ATL1: variants seen among roughly 807,000 people sequenced by gnomAD.
ATL1 encodes atlastin GTPase 1.
Under a neutral mutation model 75.5 loss-of-function variants are expected in ATL1, and 31 were observed. The observed-to-expected ratio is 0.41, with a 90% confidence interval of 0.31 to 0.55. The LOEUF is 0.55. ATL1 is among the 20% of genes least tolerant of loss of function. The pLI is 0.27. For synonymous variants in ATL1, 226 were observed against 233.3 expected (o/e 0.97, Z 0.28); for missense variants, 405 against 662.6 (o/e 0.61, Z 4.27).
intron 8 of ATL1, among the ~76,000 whole-genome samples, chr14:50,618,894 T>TA (rs2039439979): frequency 1.5e-5 from 2 of 129,250 alleles, no homozygotes; most frequent in Non-Finnish European, 3.5e-5. Flanking sequence ...TATATATATT[T>TA]TTTTTTCTTT....
intron 8 of ATL1, among the ~76,000 whole-genome samples, chr14:50,616,395 C>A (rs183900794): frequency 4.6e-5 from 7 of 152,112 alleles, no homozygotes; most frequent in African/African-American, 1.7e-4. Context: ...CTATTGAGCT[C>A]ACACAATCCT....
chr14:50,593,350 A>G (rs972555852), intron 4 of ATL1, among the ~76,000 whole-genome samples: 6 of 152,152 alleles, frequency 3.9e-5, no homozygotes, highest in African/African-American at 7.2e-5. Context: ...ATTTCCCTCA[A>G]AAAATGTCAT....
At chr14:50,601,103 A>G (rs562437837) in intron 6 of ATL1, among the ~76,000 whole-genome samples, 1 of 152,242 alleles carries the variant, frequency 6.6e-6, no homozygotes, top group South Asian at 2.1e-4. Context: ...GTGAGACCGT[A>G]TCTCAAAAAA....
In ATL1 at chr14:50,621,914, G is replaced by T. The variant is rs2039470683; in HGVS notation, c.1047+15G>T. Reference sequence around the variant, plus strand: ...CCATGTTACAGGTATTTATTAATGAGGAGGCATGTTTTAAGACACGTGACT... The same window carrying T: ...CCATGTTACAGGTATTTATTAATGATGAGGCATGTTTTAAGACACGTGACT... On this transcript the variant is annotated intron_variant, in intron 10 of 13. Coordinates refer to ENST00000358385, the MANE Select transcript of ATL1 (RefSeq NM_015915.5). The T allele has an allele frequency of 6.4e-7, 1 of 1,573,108 alleles. No homozygotes were observed. The highest frequency in any genetic ancestry group is 1.7e-4 in the Middle Eastern group (1 of 5,956).
At chr14:50,622,614 C>T (rs563444876) in intron 10 of ATL1, among the ~76,000 whole-genome samples, 2 of 151,288 alleles carry the variant, frequency 1.3e-5, no homozygotes, top group East Asian at 2.0e-4. Context: ...TGCAGTGAGC[C>T]GAGATCGCGC....
At chr14:50,630,032 C>T (rs373082227) in intron 13 of ATL1, 23 bp downstream of exon 13, 43 of 1,566,952 alleles carry the variant, frequency 2.7e-5, no homozygotes, top group East Asian at 2.3e-4. Context: ...TTTTAAAATT[C>T]AGAGCTATGT....
upstream of ATL1, among the ~76,000 whole-genome samples, chr14:50,555,163 GA>G (rs910601117): frequency 6.6e-6 from 1 of 152,322 alleles, no homozygotes; most frequent in Non-Finnish European, 1.5e-5. Context: ...TGGCTAGAAT[GA>G]AAATGTGAAT....
chr14:50,546,697 A>G (rs58132301), intron 1 of ATL1, among the ~76,000 whole-genome samples: 6,750 of 152,264 alleles, frequency 0.044, 477 homozygotes, highest in African/African-American at 0.15. Context: ...CATGAAAGTT[A>G]TAAGACTGTA....
At chr14:50,564,713 G>C (rs1326427491) in intron 1 of ATL1, among the ~76,000 whole-genome samples, 3 of 143,634 alleles carry the variant, frequency 2.1e-5, no homozygotes, top group Non-Finnish European at 4.5e-5. Flanking sequence ...AGTATTCGCA[G>C]CAAAGTATCA....
In ATL1 at chr14:50,616,117, C is replaced by T. The variant is rs112397159; in HGVS notation, c.862+1606C>T. 1.3e-5 allele frequency among the ~76,000 whole-genome samples: 2 copies of T among 152,100 alleles called. 1 individual carries two copies. The highest frequency in any genetic ancestry group is 4.8e-5 in the African/African-American group (2 of 41,488). The stretch of plus-strand genomic sequence containing the variant: ...CCAGCCATCCTTTTGCCTTAGCCTC[C>T]CAAGTAGCTAGGACTAAAGGCACGC... On this transcript the variant is annotated intron_variant, in intron 8 of 13. Coordinates refer to ENST00000358385, the MANE Select transcript of ATL1 (RefSeq NM_015915.5).
intron 13 of ATL1, 47 bp from the exon 14 acceptor site, chr14:50,632,182 C>A (rs1595628759): frequency 2.9e-6 from 4 of 1,397,486 alleles, no homozygotes; most frequent in South Asian, 1.3e-5. Flanking sequence ...AATTTTACAT[C>A]TGTGTGTTTA....
In ATL1 at chr14:50,542,780, T is replaced by C. The variant is rs74996507; in HGVS notation, c.-140+9413T>C. Among the ~76,000 whole-genome samples, 321 of 152,322 alleles carry C rather than the reference T, an allele frequency of 2.1e-3. 2 individuals are homozygous for C. The highest frequency in any genetic ancestry group is 7.3e-3 in the African/African-American group (304 of 41,566). ...CTTGAAGCAGAGAGCCACAGAATTCTGTGCCCACACCATAATGGGGTGGCC... is the reference window on the plus strand; with the variant it reads ...CTTGAAGCAGAGAGCCACAGAATTCCGTGCCCACACCATAATGGGGTGGCC... On this transcript the variant is annotated intron_variant, in intron 1 of 13. Coordinates refer to the ATL1 transcript ENST00000441560.
chr14:50,632,414 T>C lies in ATL1; in HGVS notation c.*75T>C. The C allele has an allele frequency of 9.9e-7, 1 of 1,009,932 alleles. No individual in the cohort carries two copies. The allele number at this position is 1,009,932 out of a possible 1,614,324, so 62.6% of individuals were successfully genotyped here. On this transcript the variant is annotated 3_prime_UTR_variant, in exon 14 of 14. Coordinates refer to ENST00000358385, the MANE Select transcript of ATL1 (RefSeq NM_015915.5). Reference sequence around the variant, plus strand: ...CAGTTTTATGTCTCCATGCAAACATTCAAAGTGCTTCCATCAGAACGGAGT... The same window carrying C: ...CAGTTTTATGTCTCCATGCAAACATCCAAAGTGCTTCCATCAGAACGGAGT...
chr14:50,598,521 C>T (rs930894198), intron 6 of ATL1, among the ~76,000 whole-genome samples: 1 of 151,934 alleles, frequency 6.6e-6, no homozygotes, highest in South Asian at 2.1e-4. Flanking sequence ...CCATCATGCC[C>T]AGCTAATTTT....
chr14:50,542,243 G>A (rs962925916), intron 1 of ATL1, among the ~76,000 whole-genome samples: 1 of 131,992 alleles, frequency 7.6e-6, no homozygotes, highest in African/African-American at 2.8e-5. Flanking sequence ...AGAACACGTG[G>A]ACACAGGGAG....
At position 50,589,085 on chromosome 14, in the gene ATL1, A is replaced by G. The variant is rs185529269; in HGVS notation, c.282+1007A>G. 3.8e-3 allele frequency among the ~76,000 whole-genome samples: 585 copies of G among 152,086 alleles called. 4 individuals are homozygous for G. The highest frequency in any genetic ancestry group is 0.014 in the African/African-American group (566 of 41,496). On this transcript the variant is annotated intron_variant, in intron 2 of 13. Transcript: ENST00000358385. ...GTTTGGCCAAGGAGACAGAATAACA[A>G]TAGGTGAAATATTTAGAGCATCATT...
intron 6 of ATL1, among the ~76,000 whole-genome samples, chr14:50,612,263 T>A (rs1350559600): frequency 6.6e-6 from 1 of 152,066 alleles, no homozygotes; most frequent in Non-Finnish European, 1.5e-5. Context: ...GGGTCATGAC[T>A]GGAGGGTGGC....
chr14:50,620,538 C>G, intron 8 of ATL1, 61 bp from the exon 9 acceptor site: 1 of 1,537,254 alleles, frequency 6.5e-7, no homozygotes. Flanking sequence ...ATGTTTTATT[C>G]TGTGGCATGG....
chr14:50,617,914 C>A (rs113012505), intron 8 of ATL1, among the ~76,000 whole-genome samples: 78 of 152,284 alleles, frequency 5.1e-4, no homozygotes, highest in African/African-American at 1.7e-3. Context: ...TTTTCTGAAT[C>A]CAAAATTGGA....
Sources: gnomAD v4.1 joint callset for allele counts (sites outside exome capture counted in the v4.1 genomes callset) on GRCh38, gnomAD v4.1.1 for gene constraint, MANE v1.5 for transcripts, NCBI Gene and HGNC (gene_info 2026-07-23, HGNC 2026-07-21) for gene names.